FCRL5: variants seen among roughly 807,000 people sequenced by gnomAD.
FCRL5 encodes the protein Fc receptor like 5.
In FCRL5, 79 loss-of-function variants were observed where a neutral mutation model predicts 92.1. The ratio of observed to expected loss-of-function variants is 0.86; its 90% CI spans 0.72 to 1.03. The LOEUF is 1.03. Among genes scored for constraint, FCRL5 ranks in the 50% least tolerant of loss-of-function variants. The pLI, the probability that FCRL5 is intolerant of heterozygous loss-of-function variation, is 0.00. For missense variants in FCRL5, 1,160 were observed against 1,181.1 expected (o/e 0.98, Z 0.26); for synonymous variants, 466 against 469.3 (o/e 0.99, Z 0.09).
rs553656645 is a variant in FCRL5 at position 157,545,776 on chromosome 1, C to T, written c.308-694G>A. Among the ~76,000 whole-genome samples the T allele has an allele frequency of 4.8e-3, 730 of 152,256 alleles. 7 individuals carry two copies. The highest frequency in any genetic ancestry group is 0.017 in the African/African-American group (702 of 41,544). On this transcript the variant is annotated intron_variant, in intron 3 of 16. Transcript: ENST00000361835. ...ATCTCCTGACCTCGTGATCCACCCGCCTTGGCCTTCCAAAGTGCTGGGATT... is the reference window on the plus strand; with the variant it reads ...ATCTCCTGACCTCGTGATCCACCCGTCTTGGCCTTCCAAAGTGCTGGGATT...
Position 157,544,607 on chromosome 1 carries a change from C to G in FCRL5, c.560-61G>C, listed in dbSNP as rs1379201416. ...AGGCTGGAACTGCTTTGGAGAAAAGCACACTTCAAGCAGCAGCACATCCAA... is the reference window on the plus strand; with the variant it reads ...AGGCTGGAACTGCTTTGGAGAAAAGGACACTTCAAGCAGCAGCACATCCAA... On this transcript the variant is annotated intron_variant, in intron 4 of 16. Transcript: ENST00000361835. 4 of 1,573,634 alleles carry G rather than the reference C, an allele frequency of 2.5e-6. No homozygotes were observed. In the African/African-American group the frequency reaches 5.4e-5, roughly 21 times the overall value.
chr1:157,552,287 C>T, intron 1 of FCRL5, 45 bp downstream of exon 1: 1 of 1,600,212 alleles, frequency 6.2e-7, no homozygotes. Context: ...GAGAGAGAAG[C>T]TGTCCCGATC....
At chr1:157,542,638 C>A in intron 6 of FCRL5, 1 of 531,004 alleles carries the variant, frequency 1.9e-6, no homozygotes. Context: ...GGATAGAAAG[C>A]CACTGCACCA....
In FCRL5 at chr1:157,521,072, C is replaced by T; in HGVS notation, c.2460G>A (p.Glu820=). ...TAEHSGNYSC[E]ADNGLGAQRS... ...GCTGGGCCCCGAGGCCATTGTCGGCCTCACAGGAGTAGTTTCCAGAGTGCT... is the reference window on the plus strand; with the variant it reads ...GCTGGGCCCCGAGGCCATTGTCGGCTTCACAGGAGTAGTTTCCAGAGTGCT... Residue 820 remains glutamate, a synonymous_variant, in exon 11 of 17, where the codon GAG becomes GAA. Transcript: ENST00000361835. 5 of 1,614,086 alleles carry T rather than the reference C, an allele frequency of 3.1e-6. No individual in the cohort carries two copies. Among genetic ancestry groups the T allele is most frequent in the East Asian group, 2.2e-5 (1 of 44,868 alleles).
chr1:157,535,943 GTT>G (rs60191062), intron 7 of FCRL5, among the ~76,000 whole-genome samples: 2 of 90,006 alleles, frequency 2.2e-5, no homozygotes, highest in Non-Finnish European at 4.3e-5. Flanking sequence ...ATGTGACTCA[GTT>G]TTTTTTTTTT....
intron 1 of FCRL5, among the ~76,000 whole-genome samples, chr1:157,550,461 T>C (rs1651763530): frequency 6.6e-6 from 1 of 152,196 alleles, no homozygotes; most frequent in Admixed American, 6.6e-5. Flanking sequence ...CTCATTATCA[T>C]CATGCCTAAT....
At position 157,515,660 on chromosome 1, in the gene FCRL5, G is replaced by C; in HGVS notation, c.*15C>G. On this transcript the variant is annotated 3_prime_UTR_variant, in exon 17 of 17. Transcript: ENST00000361835. ...GGTGCAGAGGCTGAAACAGCAGTTG[G>C]AGAGACGTGTGGACTCATCTGTGAG... 1 of 1,614,210 alleles carries C rather than the reference G, an allele frequency of 6.2e-7. No homozygotes were observed. The highest frequency in any genetic ancestry group is 8.5e-7 in the Non-Finnish European group (1 of 1,180,038).
chr1:157,516,943 A>G (rs1041920409), intron 15 of FCRL5, among the ~76,000 whole-genome samples: 1 of 152,248 alleles, frequency 6.6e-6, no homozygotes, highest in African/African-American at 2.4e-5. Flanking sequence ...AGAGTGAATG[A>G]GTTCACATGT....
intron 15 of FCRL5, 40 bp downstream of exon 15, chr1:157,518,389 G>T (rs368763850): frequency 6.4e-7 from 1 of 1,555,780 alleles, no homozygotes; most frequent in Non-Finnish European, 8.9e-7. Context: ...TACTGTCTAA[G>T]TTGAGGGTGG....
At chr1:157,543,378 C>T (rs1651364754) in intron 5 of FCRL5, among the ~76,000 whole-genome samples, 1 of 152,226 alleles carries the variant, frequency 6.6e-6, no homozygotes, top group Non-Finnish European at 1.5e-5. Context: ...TTCTCCTTCA[C>T]TTGCATTGGC....
chr1:157,551,094 A>G (rs1651788146), intron 1 of FCRL5, among the ~76,000 whole-genome samples: 1 of 152,326 alleles, frequency 6.6e-6, no homozygotes, highest in Non-Finnish European at 1.5e-5. Flanking sequence ...AGTGGTTTCT[A>G]TATGGTCTGC....
intron 10 of FCRL5, chr1:157,522,501 A>C (rs1228084473): frequency 1.3e-5 from 2 of 152,254 alleles, no homozygotes; most frequent in African/African-American, 4.8e-5. Flanking sequence ...CGATGGCTTA[A>C]AATTTATCCT....
chr1:157,518,305 C>G (rs765583320), intron 15 of FCRL5, 124 bp downstream of exon 15: 2 of 761,608 alleles, frequency 2.6e-6, no homozygotes, highest in Non-Finnish European at 4.5e-6. Context: ...CATAAAGAAG[C>G]CCCATGACCC....
rs534424264 is a variant in FCRL5, at chr1:157,524,347, A to G, written c.2171T>C (p.Ile724Thr). The change falls in exon 10 of 17, where the codon ATC (isoleucine) becomes ACC (threonine). Residue 724 changes from isoleucine (I) to threonine (T), a missense_variant. Physicochemically the swap from Ile to Thr is moderately conservative, Grantham distance 89 (BLOSUM62 -1). Transcript: ENST00000361835. ...NLSLTTEHSGIYSCEADNGLE... is the reference protein window; with the variant it reads ...NLSLTTEHSGTYSCEADNGLE... ...ACCATTGTCTGCCTCACAGGAGTAG[A>G]TTCCAGAATGTTCTGTAGTCAGAGA... The G allele has an allele frequency of 4.3e-6, 7 of 1,614,286 alleles. No homozygotes were observed. The African/African-American group carries it at 9.3e-5, about 22-fold the overall frequency.
chr1:157,534,583 G>T (rs370900292), intron 8 of FCRL5, 31 bp downstream of exon 8: 22 of 1,613,392 alleles, frequency 1.4e-5, no homozygotes, highest in Non-Finnish European at 1.9e-5. Flanking sequence ...CTCAGCCAGG[G>T]GTGGGTGACT....
At position 157,549,599 on chromosome 1, in the gene FCRL5, C is replaced by G. The variant is rs1313124255; in HGVS notation, c.32-19G>C. ...ACAGGAGCTGCAAAAAAATAAGAGC[C>G]AGAGATGAGCACAGAACCATGATTA... On this transcript the variant is annotated intron_variant, in intron 1 of 16. Coordinates refer to ENST00000361835, the MANE Select transcript of FCRL5 (RefSeq NM_031281.3). 6.8e-6 allele frequency: 11 copies of G among 1,610,854 alleles called. No individual in the cohort carries two copies. The highest frequency in any genetic ancestry group is 9.3e-6 in the Non-Finnish European group (11 of 1,178,532).
chr1:157,540,338 T>C (rs1397715237), intron 6 of FCRL5, among the ~76,000 whole-genome samples: 3 of 152,204 alleles, frequency 2.0e-5, no homozygotes, highest in African/African-American at 7.2e-5. Flanking sequence ...ACCACACCCT[T>C]ACCTGCATCA....
Position 157,515,849 on chromosome 1 carries a change from C to T in FCRL5, c.2837G>A (p.Arg946Lys). 1 of 1,614,054 alleles carries T rather than the reference C, an allele frequency of 6.2e-7. No homozygotes were observed. The highest frequency in any genetic ancestry group is 8.5e-7 in the Non-Finnish European group (1 of 1,180,014). The stretch of plus-strand genomic sequence containing the variant: ...GCAGAAGGGGAGACTCACCTTGTTC[C>T]TGAGATGCCTGGGGTCAGAGGCCAC... Reference protein sequence around the residue: ...HAVASDPRHLRNKGSPIIYSE... With the variant: ...HAVASDPRHLKNKGSPIIYSE... The change falls in exon 16 of 17, where the codon AGG becomes AAG. Residue 946 changes from arginine (R) to lysine (K), a missense_variant. Transcript: ENST00000361835.
chr1:157,515,639 C>G lies in FCRL5; in HGVS notation c.*36G>C, dbSNP rs60516051. 0.048 allele frequency: 77,788 copies of G among 1,614,026 alleles called. 2,255 individuals are homozygous for G. The highest frequency in any genetic ancestry group is 0.11 in the African/African-American group (7,949 of 75,028). On this transcript the variant is annotated 3_prime_UTR_variant, in exon 17 of 17. Transcript: ENST00000361835. The stretch of plus-strand genomic sequence containing the variant: ...CTCCCCCAAGGGGAACTTTGGGGTG[C>G]AGAGGCTGAAACAGCAGTTGGAGAG...
Sources: gnomAD v4.1 joint callset for allele counts (sites outside exome capture counted in the v4.1 genomes callset) on GRCh38, gnomAD v4.1.1 for gene constraint, MANE v1.5 for transcripts, NCBI Gene and HGNC (gene_info 2026-07-23, HGNC 2026-07-21) for gene names.